PALLD: variants seen among roughly 807,000 people sequenced by gnomAD.
PALLD encodes the protein palladin.
PALLD carries 61 observed loss-of-function variants against 123.5 expected under a neutral mutation model. The ratio of observed to expected loss-of-function variants is 0.49; its 90% CI spans 0.40 to 0.61. The LOEUF (loss-of-function observed/expected upper bound fraction) is 0.61. Ranked by LOEUF, PALLD falls within the 20% of genes least tolerant of loss-of-function variation. The probability of loss-of-function intolerance (pLI) is 0.00; values close to 1 mark genes in which losing one functional copy is unlikely to be tolerated. For missense variants in PALLD, 1,273 were observed against 1,377.0 expected, an observed-to-expected ratio of 0.92 and a Z score of 1.20; for synonymous variants, 465 against 496.4, an observed-to-expected ratio of 0.94 and a Z score of 0.84.
chr4:168,783,074 GTGTGTGTGTGTA>G (rs749466660), intron 10 of PALLD, among the ~76,000 whole-genome samples: 4,512 of 149,054 alleles, frequency 0.03, 97 homozygotes, highest in Non-Finnish European at 0.045. Flanking sequence ...GTGTGTGTGT[GTGTGTGTGTGTA>G]TAGTACTGTT....
At chr4:168,659,030 T>C (rs1404232643) in intron 2 of PALLD, among the ~76,000 whole-genome samples, 2 of 152,222 alleles carry the variant, frequency 1.3e-5, no homozygotes, top group Admixed American at 1.3e-4. Context: ...AAACATAGTG[T>C]GTCATGTGGT....
intron 10 of PALLD, among the ~76,000 whole-genome samples, chr4:168,793,489 A>C (rs1358173936): frequency 1.3e-5 from 2 of 151,502 alleles, no homozygotes; most frequent in African/African-American, 4.9e-5. Context: ...CTCCCACCTC[A>C]CCCCAAATCA....
At chr4:168,689,432 CTTTTTTTTTTTTTTTTTTTTTTT>C (rs70961551) in intron 6 of PALLD, among the ~76,000 whole-genome samples, 1 of 49,834 alleles carries the variant, frequency 2.0e-5, no homozygotes, top group East Asian at 8.1e-4. Context: ...ATCCAATATT[CTTTTTTTTTTTTTTTTTTTTTTT>C]TTTTTTTTTT....
intron 10 of PALLD, among the ~76,000 whole-genome samples, chr4:168,845,985 A>G (rs540791403): frequency 8.5e-5 from 13 of 152,246 alleles, no homozygotes; most frequent in African/African-American, 2.2e-4. Flanking sequence ...TCAATCAGTG[A>G]GGCTTCCTCT....
chr4:168,540,736 A>G (rs984699035), intron 2 of PALLD, among the ~76,000 whole-genome samples: 15 of 152,100 alleles, frequency 9.9e-5, no homozygotes, highest in African/African-American at 3.1e-4. Context: ...GGTATTACAC[A>G]TTCTCCTACA....
intron 2 of PALLD, among the ~76,000 whole-genome samples, chr4:168,630,902 T>A (rs945262701): frequency 1.3e-5 from 2 of 152,256 alleles, no homozygotes; most frequent in Non-Finnish European, 2.9e-5. Flanking sequence ...TGTTTCTTCC[T>A]GATATCCGTC....
At chr4:168,713,614 G>A (rs912500420) in intron 10 of PALLD, among the ~76,000 whole-genome samples, 1 of 152,184 alleles carries the variant, frequency 6.6e-6, no homozygotes, top group Non-Finnish European at 1.5e-5. Context: ...TTTGCAGCCA[G>A]GTTAATGTAT....
intron 10 of PALLD, among the ~76,000 whole-genome samples, chr4:168,712,755 T>C (rs1784960375): frequency 3.3e-5 from 5 of 152,154 alleles, no homozygotes; most frequent in African/African-American, 9.7e-5. Flanking sequence ...CCCATGAGAA[T>C]GTATTTGCCA....
chr4:168,735,551 CAGAA>C (rs1282646951), intron 10 of PALLD, among the ~76,000 whole-genome samples: 2 of 152,132 alleles, frequency 1.3e-5, no homozygotes, highest in Admixed American at 1.3e-4. Flanking sequence ...GGCAGAGTGT[CAGAA>C]AGAGATGAGA....
intron 2 of PALLD, among the ~76,000 whole-genome samples, chr4:168,532,202 C>T (rs1764666590): frequency 6.6e-6 from 1 of 152,166 alleles, no homozygotes. Flanking sequence ...GTTTTCTGCT[C>T]CTGTGCAAGT....
In PALLD at chr4:168,637,670, G is replaced by A. The variant is rs534255258; in HGVS notation, c.909-30520G>A. The stretch of plus-strand genomic sequence containing the variant: ...AAATATTTCTGAGGATTAGCCAGGC[G>A]CAGTGGCTCACACCTGTAATCCTAG... On this transcript the variant is annotated intron_variant, in intron 2 of 21. Transcript: ENST00000505667. 4.3e-4 allele frequency among the ~76,000 whole-genome samples: 65 copies of A among 152,214 alleles called. 2 individuals are homozygous for A. The South Asian group carries it at 9.5e-3, about 22-fold the overall frequency.
In PALLD at chr4:168,891,106, C is replaced by G. The variant is rs1754092139; in HGVS notation, c.2100+49C>G. On this transcript the variant is annotated intron_variant, in intron 11 of 21. Transcript: ENST00000505667. ...ACTTGGAATGTTAGCTACCCACATA[C>G]CTTTCTTCCTTTCTCTAAGACTTAG... 2.6e-6 allele frequency: 4 copies of G among 1,559,270 alleles called. No homozygotes were observed. The South Asian group carries it at 4.4e-5, about 17-fold the overall frequency.
At chr4:168,695,984 GAA>G (rs1783094205) in intron 8 of PALLD, among the ~76,000 whole-genome samples, 1 of 152,052 alleles carries the variant, frequency 6.6e-6, no homozygotes, top group South Asian at 2.1e-4. Flanking sequence ...ACTGGAAGAA[GAA>G]TTACCTGGGG....
chr4:168,620,194 C>A (rs557259817), intron 2 of PALLD, among the ~76,000 whole-genome samples: 4 of 152,204 alleles, frequency 2.6e-5, no homozygotes, highest in Non-Finnish European at 5.9e-5. Flanking sequence ...CAGTGGCTCA[C>A]GCCTGTAATC....
intron 15 of PALLD, among the ~76,000 whole-genome samples, chr4:168,909,313 A>T (rs1451791208): frequency 6.6e-6 from 1 of 152,178 alleles, no homozygotes; most frequent in Admixed American, 6.5e-5. Flanking sequence ...TTTTATGAAG[A>T]CCTGTGTGCC....
intron 10 of PALLD, among the ~76,000 whole-genome samples, chr4:168,867,024 A>T (rs1448897794): frequency 1.3e-5 from 2 of 152,202 alleles, no homozygotes; most frequent in Non-Finnish European, 2.9e-5. Context: ...GGTTAGAGAC[A>T]TGGTAACGTC....
In PALLD at chr4:168,736,004, C is replaced by T. The variant is rs567101881; in HGVS notation, c.1964+24081C>T. On this transcript the variant is annotated intron_variant, in intron 10 of 21. Coordinates refer to ENST00000505667, the MANE Select transcript of PALLD (RefSeq NM_001166108.2). ...CCAAAAGGAAACAGCATAGAAAGAC[C>T]CAGAAACTCTCCAGTGATGTGGTAT... 2.0e-5 allele frequency among the ~76,000 whole-genome samples: 3 copies of T among 152,276 alleles called. No individual in the cohort carries two copies. In the East Asian group the frequency reaches 5.8e-4, roughly 29 times the overall value.
At chr4:168,786,835 T>G (rs1736834774) in intron 10 of PALLD, among the ~76,000 whole-genome samples, 1 of 152,234 alleles carries the variant, frequency 6.6e-6, no homozygotes, top group Non-Finnish European at 1.5e-5. Flanking sequence ...TTAATTAAAA[T>G]TGTTATACAA....
At chr4:168,816,954 C>T (rs1307051213) in intron 10 of PALLD, among the ~76,000 whole-genome samples, 2 of 151,650 alleles carry the variant, frequency 1.3e-5, no homozygotes, top group Admixed American at 1.3e-4. Flanking sequence ...AGACAAAGAG[C>T]AGTTCCAGCG....
Sources: gnomAD v4.1 joint callset for allele counts (sites outside exome capture counted in the v4.1 genomes callset) on GRCh38, gnomAD v4.1.1 for gene constraint, MANE v1.5 for transcripts, NCBI Gene and HGNC (gene_info 2026-07-23, HGNC 2026-07-21) for gene names.